CREB5: variants seen among roughly 807,000 people sequenced by gnomAD.
CREB5 encodes cAMP responsive element binding protein 5, also known as cyclic AMP-responsive element-binding protein 5.
In CREB5, 19 loss-of-function variants were observed where a neutral mutation model predicts 57.1. The observed-to-expected ratio is 0.33, with a 90% CI of 0.23 to 0.49. The LOEUF (loss-of-function observed/expected upper bound fraction) is 0.49. Ranked by LOEUF, CREB5 falls within the 20% of genes least tolerant of loss-of-function variation. The pLI, the probability that CREB5 is intolerant of heterozygous loss-of-function variation, is 0.99. For synonymous variants in CREB5, 238 were observed against 238.3 expected, an observed-to-expected ratio of 1.00 and a Z score of 0.01; for missense variants, 579 against 671.6, an observed-to-expected ratio of 0.86 and a Z score of 1.52.
chr7:28,347,376 A>C (rs1786081488), intron 1 of CREB5, among the ~76,000 whole-genome samples: 1 of 152,148 alleles, frequency 6.6e-6, no homozygotes, highest in Non-Finnish European at 1.5e-5. Context: ...ATTTAATACG[A>C]CTTAGAAGGC....
At chr7:28,398,110 T>C (rs1217631043) in intron 1 of CREB5, among the ~76,000 whole-genome samples, 1 of 152,172 alleles carries the variant, frequency 6.6e-6, no homozygotes. Flanking sequence ...TCATTTCCCC[T>C]TCCTCTTGGA....
At chr7:28,523,759 A>C (rs1282271359) in intron 4 of CREB5, among the ~76,000 whole-genome samples, 1 of 152,140 alleles carries the variant, frequency 6.6e-6, no homozygotes, top group Non-Finnish European at 1.5e-5. Flanking sequence ...ACCGAATCTA[A>C]TCCACGCATG....
chr7:28,446,746 C>T (rs1273242648), intron 1 of CREB5, among the ~76,000 whole-genome samples: 1 of 152,120 alleles, frequency 6.6e-6, no homozygotes, highest in Non-Finnish European at 1.5e-5. Flanking sequence ...GAGCCGAGAT[C>T]ACGCCACTGC....
At chr7:28,693,488 C>T (rs1358319499) in intron 5 of CREB5, among the ~76,000 whole-genome samples, 1 of 152,128 alleles carries the variant, frequency 6.6e-6, no homozygotes, top group Non-Finnish European at 1.5e-5. Context: ...TTGGCTCTGC[C>T]CCTCTGCCCT....
chr7:28,662,239 G>A (rs1799636845), intron 5 of CREB5, among the ~76,000 whole-genome samples: 1 of 152,196 alleles, frequency 6.6e-6, no homozygotes, highest in Non-Finnish European at 1.5e-5. Flanking sequence ...CACCAGCCTT[G>A]ATTTAAAAGG....
chr7:28,608,735 C>A (rs903626990), intron 5 of CREB5, among the ~76,000 whole-genome samples: 2 of 152,242 alleles, frequency 1.3e-5, no homozygotes, highest in African/African-American at 4.8e-5. Flanking sequence ...TGAAGTTCCT[C>A]AGACATGGCC....
intron 1 of CREB5, among the ~76,000 whole-genome samples, chr7:28,446,867 G>A (rs1392148730): frequency 1.3e-5 from 2 of 152,192 alleles, no homozygotes; most frequent in Non-Finnish European, 2.9e-5. Context: ...CGGTGTTAAA[G>A]TCATTTATTG....
At chr7:28,582,473 T>A (rs1234699840) in intron 5 of CREB5, among the ~76,000 whole-genome samples, 1 of 152,334 alleles carries the variant, frequency 6.6e-6, no homozygotes, top group African/African-American at 2.4e-5. Flanking sequence ...CATCAACTTC[T>A]TTTTAGTCTT....
At chr7:28,560,905 C>CGT (rs1213126401) in intron 4 of CREB5, among the ~76,000 whole-genome samples, 11 of 13,480 alleles carry the variant, frequency 8.2e-4, no homozygotes, top group Admixed American at 1.4e-3. Context: ...TGCGTGCGCG[C>CGT]GTGCGTGTGC....
intron 7 of CREB5, among the ~76,000 whole-genome samples, chr7:28,771,720 C>A (rs986116235): frequency 7.6e-6 from 1 of 131,180 alleles, no homozygotes; most frequent in African/African-American, 2.9e-5. Context: ...CCAGACCTGG[C>A]ACTTCATAAT....
At chr7:28,660,005 AC>A (rs993738034) in intron 5 of CREB5, among the ~76,000 whole-genome samples, 9 of 152,190 alleles carry the variant, frequency 5.9e-5, no homozygotes, top group African/African-American at 2.2e-4. Context: ...TCCCTCAGCT[AC>A]ACTCCAAACT....
intron 1 of CREB5, among the ~76,000 whole-genome samples, chr7:28,476,795 A>G (rs898843037): frequency 3.9e-5 from 6 of 152,228 alleles, no homozygotes; most frequent in Non-Finnish European, 7.3e-5. Flanking sequence ...GCATCCTATT[A>G]TGAGAAATAT....
intron 4 of CREB5, among the ~76,000 whole-genome samples, chr7:28,557,939 CA>C (rs11356821): frequency 0.34 from 51,319 of 151,820 alleles, 9,110 homozygotes; most frequent in Non-Finnish European, 0.38. Context: ...CCTATTGCAC[CA>C]GGGACCCCTA....
In CREB5 at chr7:28,476,070, G is replaced by A. The variant is rs149175735; in HGVS notation, c.4-12105G>A. 5.7e-3 allele frequency among the ~76,000 whole-genome samples: 871 copies of A among 152,232 alleles called. 10 individuals carry two copies. The highest frequency in any genetic ancestry group is 0.02 in the African/African-American group (833 of 41,528). ...CAACGCAGTGGAATGAAAAACAAAC[G>A]AACAGACCAAACCTACCCAAGCTTA... On this transcript the variant is annotated intron_variant, in intron 1 of 10. Coordinates refer to ENST00000357727, the MANE Select transcript of CREB5 (RefSeq NM_182898.4).
chr7:28,496,424 A>G (rs1792049851), intron 3 of CREB5, among the ~76,000 whole-genome samples: 1 of 152,186 alleles, frequency 6.6e-6, no homozygotes, highest in Non-Finnish European at 1.5e-5. Flanking sequence ...AAACATGTGC[A>G]GGCTATCACT....
intron 5 of CREB5, among the ~76,000 whole-genome samples, chr7:28,571,001 G>T (rs1180199826): frequency 6.6e-6 from 1 of 151,992 alleles, no homozygotes; most frequent in Non-Finnish European, 1.5e-5. Flanking sequence ...TAAATTCCAA[G>T]CTGCCCAATG....
At chr7:28,628,085 C>G (rs958678263) in intron 5 of CREB5, among the ~76,000 whole-genome samples, 20 of 152,052 alleles carry the variant, frequency 1.3e-4, no homozygotes, top group African/African-American at 4.8e-4. Context: ...CTCTTATTCT[C>G]TTATTCTAAC....
chr7:28,543,882 G>C (rs894365612), intron 4 of CREB5, among the ~76,000 whole-genome samples: 1 of 150,872 alleles, frequency 6.6e-6, no homozygotes, highest in African/African-American at 2.4e-5. Context: ...CATAATATGT[G>C]ATTCACCATA....
At chr7:28,573,573 C>G (rs1278458414) in intron 5 of CREB5, among the ~76,000 whole-genome samples, 4 of 152,212 alleles carry the variant, frequency 2.6e-5, no homozygotes, top group East Asian at 1.9e-4. Flanking sequence ...CTGCTCCCCC[C>G]TCTTCCCTTC....
Sources: allele counts gnomAD v4.1 joint callset (sites outside exome capture counted in the v4.1 genomes callset), GRCh38; gene constraint gnomAD v4.1.1; transcripts MANE v1.5; gene names NCBI Gene and HGNC (gene_info 2026-07-23, HGNC 2026-07-21).